Variants in KCTD14 observed in about 807,000 individuals in gnomAD.
KCTD14 encodes potassium channel tetramerization domain containing 14, also known as BTB/POZ domain-containing protein KCTD14.
KCTD14 carries 7 observed loss-of-function variants against 5.9 expected under a neutral mutation model. That is an observed-to-expected ratio of 1.19 (90% CI 0.68 to 2.23). The LOEUF is 2.23. Among genes scored for constraint, KCTD14 ranks in the 30% most tolerant of loss-of-function variants. KCTD14 has a pLI of 0.00. For synonymous variants in KCTD14, 140 were observed against 133.1 expected, an observed-to-expected ratio of 1.05 and a Z score of -0.36; for missense variants, 342 against 332.2, an observed-to-expected ratio of 1.03 and a Z score of -0.23.
chr11:78,020,162 T>A (rs965702649), intron 1 of KCTD14, among the ~76,000 whole-genome samples: 1 of 152,166 alleles, frequency 6.6e-6, no homozygotes, highest in Non-Finnish European at 1.5e-5. Context: ...GGTTGGAGGC[T>A]GTCAGAGAAG....
At position 78,016,821 on chromosome 11, in the gene KCTD14, T is replaced by C. The variant is rs1857176961; in HGVS notation, c.540A>G (p.Ala180=). ...VCLVETEEQD[A]YYSEVLCFLQ... ...GAAAACACAGGACCTCTGAATAATA[T>C]GCATCCTGCTCCTCAGTTTCCACCA... Residue 180 remains alanine, a synonymous_variant, in exon 2 of 2, where the codon GCA becomes GCG. Transcript: ENST00000353172. The C allele has an allele frequency of 1.2e-6, 2 of 1,614,028 alleles. No homozygotes were observed. The highest frequency in any genetic ancestry group is 1.7e-6 in the Non-Finnish European group (2 of 1,179,998).
chr11:78,034,761 C>T (rs1004323535), intron 2 of KCTD14, among the ~76,000 whole-genome samples: 5 of 152,242 alleles, frequency 3.3e-5, no homozygotes, highest in Non-Finnish European at 5.9e-5. Context: ...CCCTGCTCAC[C>T]GCGGCCTCAG....
intron 2 of KCTD14, among the ~76,000 whole-genome samples, chr11:78,035,135 T>A (rs942254586): frequency 2.0e-5 from 3 of 152,204 alleles, no homozygotes; most frequent in Admixed American, 1.3e-4. Flanking sequence ...TATCTGTCAC[T>A]TCTGGCATTC....
At chr11:78,035,732 C>A (rs1350000819) in intron 2 of KCTD14, among the ~76,000 whole-genome samples, 1 of 149,922 alleles carries the variant, frequency 6.7e-6, no homozygotes, top group East Asian at 2.0e-4. Context: ...GTAATCCCAA[C>A]TACTTGGTAG....
At chr11:78,032,898 T>A (rs1857669026) in intron 2 of KCTD14, among the ~76,000 whole-genome samples, 1 of 151,910 alleles carries the variant, frequency 6.6e-6, no homozygotes, top group African/African-American at 2.4e-5. Context: ...CCCAAGCTGG[T>A]CTCAAACTCC....
In KCTD14 at chr11:78,017,145, G is replaced by A. The variant is rs772710383; in HGVS notation, c.216C>T (p.Asp72=). The A allele has an allele frequency of 2.4e-5, 38 of 1,614,150 alleles. No individual in the cohort carries two copies. Among genetic ancestry groups the A allele is most frequent in the South Asian group, 6.6e-5 (6 of 91,082 alleles). The change falls in exon 2 of 2, where the codon GAC becomes GAT. Residue 72 remains aspartate (D), a synonymous_variant. Coordinates refer to ENST00000353172, the MANE Select transcript of KCTD14 (RefSeq NM_023930.4). ...GGTCGATGAAGAAGCGGCCCTCCGC[G>A]TCCGTGGAGGCCTTGGCTAAGCTAG... is the stretch of plus-strand genomic sequence containing the variant. The part of the protein sequence containing the change: ...MFSSLAKAST[D]AEGRFFIDRP...
At chr11:78,039,511 A>G (rs1857929628) in intron 1 of KCTD14, among the ~76,000 whole-genome samples, 1 of 151,966 alleles carries the variant, frequency 6.6e-6, no homozygotes, top group Admixed American at 6.6e-5. Flanking sequence ...CTTGGGTGAC[A>G]GAGCAAGACT....
chr11:78,021,173 T>C (rs1464055484), intron 1 of KCTD14, among the ~76,000 whole-genome samples: 56 of 151,296 alleles, frequency 3.7e-4, no homozygotes, highest in Non-Finnish European at 2.9e-5. Context: ...GCCCTGGTGG[T>C]GCATGCCTGT....
intron 1 of KCTD14, among the ~76,000 whole-genome samples, chr11:78,042,918 C>T: frequency 6.6e-6 from 1 of 152,222 alleles, no homozygotes. Flanking sequence ...AAGCTGGCCA[C>T]CCCACCCTAA....
Position 78,023,145 on chromosome 11 carries a change from T to C in KCTD14, c.90+15A>G, listed in dbSNP as rs571394870. 2.3e-5 allele frequency: 35 copies of C among 1,526,950 alleles called. No homozygotes were observed. The East Asian group carries it at 3.9e-4, about 17-fold the overall frequency. 94.6% of individuals were successfully genotyped at this position (1,526,950 alleles called of 1,614,324 possible). A position where few individuals can be genotyped will look rare whatever the true frequency, so the allele number is the denominator to read the frequency against. On this transcript the variant is annotated intron_variant, in intron 1 of 1. Coordinates refer to ENST00000353172, the MANE Select transcript of KCTD14 (RefSeq NM_023930.4). ...GAGGACAGAGGCGCGGGGACGCAGC[T>C]AGCCTCGCACTTACCGTTGGCCGCC...
At chr11:78,037,639 T>C (rs1029180785) in intron 2 of KCTD14, among the ~76,000 whole-genome samples, 3 of 152,020 alleles carry the variant, frequency 2.0e-5, no homozygotes, top group Admixed American at 2.0e-4. Context: ...GCCAAAATGG[T>C]GAAACCCCGT....
At chr11:78,024,393 A>ATAT (rs1409707081), upstream of KCTD14, among the ~76,000 whole-genome samples, 4 of 115,532 alleles carry the variant, frequency 3.5e-5, no homozygotes, top group African/African-American at 1.3e-4. Flanking sequence ...AAAAAAAAAA[A>ATAT]AAAAATATAT....
upstream of KCTD14, among the ~76,000 whole-genome samples, chr11:78,025,628 C>G (rs1857445851): frequency 6.6e-6 from 1 of 152,150 alleles, no homozygotes; most frequent in African/African-American, 2.4e-5. Flanking sequence ...CATTGTCTAG[C>G]CAGGGATTCT....
intron 2 of KCTD14, among the ~76,000 whole-genome samples, chr11:78,032,408 G>A (rs193090226): frequency 2.0e-5 from 3 of 152,346 alleles, no homozygotes; most frequent in African/African-American, 7.2e-5. Flanking sequence ...GCCCAGGCTA[G>A]GAAATGGTAG....
chr11:78,042,390 C>T (rs1858018904), intron 1 of KCTD14, among the ~76,000 whole-genome samples: 1 of 152,070 alleles, frequency 6.6e-6, no homozygotes, highest in African/African-American at 2.4e-5. Flanking sequence ...TGTCTATAGT[C>T]CCAGCTACTC....
intron 1 of KCTD14, among the ~76,000 whole-genome samples, chr11:78,038,947 A>G (rs367594538): frequency 1.3e-5 from 2 of 152,068 alleles, no homozygotes; most frequent in Non-Finnish European, 2.9e-5. Flanking sequence ...ATCTCTTGCA[A>G]GGGATTCCAT....
intron 2 of KCTD14, among the ~76,000 whole-genome samples, chr11:78,036,112 T>A (rs946739949): frequency 2.6e-5 from 4 of 152,062 alleles, no homozygotes; most frequent in African/African-American, 9.7e-5. Flanking sequence ...TGAGCAGAGA[T>A]TGCACCACTG....
chr11:78,040,067 G>A (rs1857946987), intron 1 of KCTD14, among the ~76,000 whole-genome samples: 1 of 152,312 alleles, frequency 6.6e-6, no homozygotes, highest in African/African-American at 2.4e-5. Flanking sequence ...GGCACACAGA[G>A]TGTGGCTGCC....
intron 1 of KCTD14, among the ~76,000 whole-genome samples, chr11:78,021,385 T>G (rs1180628734): frequency 6.7e-6 from 1 of 149,274 alleles, no homozygotes; most frequent in Non-Finnish European, 1.5e-5. Context: ...ACCTCAGCCG[T>G]GTTCCTAAGC....
Sources: allele counts gnomAD v4.1 joint callset (sites outside exome capture counted in the v4.1 genomes callset), GRCh38; gene constraint gnomAD v4.1.1; transcripts MANE v1.5; gene names NCBI Gene and HGNC (gene_info 2026-07-23, HGNC 2026-07-21).